Variants in ETV6 observed in about 807,000 individuals in gnomAD.
ETV6 encodes the protein transcription factor ETV6.
Under a neutral mutation model 51.1 loss-of-function variants are expected in ETV6, and 16 were observed. The observed-to-expected ratio is 0.31, with a 90% confidence interval of 0.21 to 0.48. The LOEUF (loss-of-function observed/expected upper bound fraction) is 0.48, where lower values mean the gene tolerates loss of function less well. ETV6 is among the 20% of genes least tolerant of loss of function. ETV6 has a pLI of 0.99. For synonymous variants in ETV6, 240 were observed against 224.1 expected, an observed-to-expected ratio of 1.07 and a Z score of -0.64; for missense variants, 458 against 594.8, an observed-to-expected ratio of 0.77 and a Z score of 2.39.
At chr12:11,864,916 A>G (rs551152399) in intron 4 of ETV6, among the ~76,000 whole-genome samples, 1 of 152,298 alleles carries the variant, frequency 6.6e-6, no homozygotes, top group East Asian at 1.9e-4. Flanking sequence ...ACCATCCCAG[A>G]TTATTTTACA....
At chr12:11,833,295 T>A (rs1159043277) in intron 2 of ETV6, among the ~76,000 whole-genome samples, 2 of 152,196 alleles carry the variant, frequency 1.3e-5, no homozygotes, top group Non-Finnish European at 2.9e-5. Context: ...ATTGTATAAG[T>A]ACATTATCTA....
At chr12:11,827,105 CACACACAA>C (rs1246017686) in intron 2 of ETV6, among the ~76,000 whole-genome samples, 2 of 149,626 alleles carry the variant, frequency 1.3e-5, no homozygotes, top group African/African-American at 5.0e-5. Flanking sequence ...CACACACACA[CACACACAA>C]ATGCAACACA....
chr12:11,837,460 A>G (rs1946333038), intron 2 of ETV6, among the ~76,000 whole-genome samples: 1 of 152,166 alleles, frequency 6.6e-6, no homozygotes, highest in East Asian at 1.9e-4. Flanking sequence ...CCTCAAAACT[A>G]CACTTTGCAA....
At chr12:11,758,047 C>T (rs866283250) in intron 2 of ETV6, among the ~76,000 whole-genome samples, 3 of 152,292 alleles carry the variant, frequency 2.0e-5, no homozygotes. Context: ...AATCCAGTAC[C>T]CAATTCCCCA....
intron 2 of ETV6, 61 bp downstream of exon 2, chr12:11,752,640 A>G (rs1866058169): frequency 1.9e-6 from 3 of 1,556,938 alleles, no homozygotes; most frequent in Non-Finnish European, 2.6e-6. Context: ...GGTGGCAGGC[A>G]GTGGGCTCCA....
intron 1 of ETV6, among the ~76,000 whole-genome samples, chr12:11,650,434 CCCGGATTGTCTCCAGAA>C (rs1181113553): frequency 8.5e-6 from 1 of 117,766 alleles, no homozygotes; most frequent in East Asian, 2.8e-4. Flanking sequence ...GTCAGAGCAA[CCCGGATTGTCTCCAGAA>C]CCGTAAAACA....
At chr12:11,871,423 C>T (rs1946880162) in intron 5 of ETV6, among the ~76,000 whole-genome samples, 1 of 152,030 alleles carries the variant, frequency 6.6e-6, no homozygotes, top group Non-Finnish European at 1.5e-5. Context: ...ATCTCCTGAC[C>T]TCGCGATCCG....
chr12:11,886,115 T>A, intron 7 of ETV6, 89 bp downstream of exon 7: 1 of 904,072 alleles, frequency 1.1e-6, no homozygotes, highest in Non-Finnish European at 1.8e-6. Flanking sequence ...TTAAGATCTC[T>A]ACCTGCCTAT....
intron 4 of ETV6, among the ~76,000 whole-genome samples, chr12:11,856,673 C>A (rs1025846448): frequency 6.6e-6 from 1 of 152,138 alleles, no homozygotes; most frequent in Admixed American, 6.5e-5. Context: ...GCTACTTCCT[C>A]TCTCTCTCCC....
intron 2 of ETV6, among the ~76,000 whole-genome samples, chr12:11,813,180 T>A (rs1945940267): frequency 6.6e-6 from 1 of 152,218 alleles, no homozygotes; most frequent in Non-Finnish European, 1.5e-5. Flanking sequence ...GAAATCAGAA[T>A]TTTCCATCCT....
intron 2 of ETV6, among the ~76,000 whole-genome samples, chr12:11,797,361 G>A (rs1407425378): frequency 3.9e-5 from 6 of 152,220 alleles, no homozygotes; most frequent in Non-Finnish European, 7.3e-5. Flanking sequence ...GGCCAGGGCT[G>A]CCAGTCGTTG....
At chr12:11,830,107 G>A (rs1946220282) in intron 2 of ETV6, among the ~76,000 whole-genome samples, 1 of 152,114 alleles carries the variant, frequency 6.6e-6, no homozygotes, top group Admixed American at 6.6e-5. Flanking sequence ...GAGGACACTT[G>A]GTTTTCTTTT....
intron 3 of ETV6, 136 bp downstream of exon 3, chr12:11,839,440 T>C (rs914999871): frequency 2.2e-6 from 2 of 901,296 alleles, no homozygotes; most frequent in Admixed American, 2.6e-5. Flanking sequence ...TGGAAGGAAG[T>C]TGAAGGAAGA....
chr12:11,678,655 A>G (rs1864468086), intron 1 of ETV6, among the ~76,000 whole-genome samples: 3 of 152,194 alleles, frequency 2.0e-5, no homozygotes, highest in Admixed American at 1.3e-4. Flanking sequence ...TTTATTTATT[A>G]TGAGAAATTG....
At chr12:11,735,935 C>T (rs2120997697) in intron 1 of ETV6, among the ~76,000 whole-genome samples, 1 of 152,322 alleles carries the variant, frequency 6.6e-6, no homozygotes, top group South Asian at 2.1e-4. Context: ...TATAACATTG[C>T]TGAATCCCAA....
intron 5 of ETV6, among the ~76,000 whole-genome samples, chr12:11,870,687 A>G (rs1268499413): frequency 6.6e-6 from 1 of 152,178 alleles, no homozygotes; most frequent in Admixed American, 6.5e-5. Context: ...TCTCCATTAG[A>G]TATTTGTTGA....
intron 2 of ETV6, among the ~76,000 whole-genome samples, chr12:11,801,078 T>A (rs750548881): frequency 3.9e-5 from 6 of 152,182 alleles, no homozygotes; most frequent in Non-Finnish European, 8.8e-5. Flanking sequence ...GCTTTATTCA[T>A]CGAAAATTTG....
intron 5 of ETV6, among the ~76,000 whole-genome samples, chr12:11,883,276 C>CTTCTTCTTTTTTTTTTTTTTTTTTTT (rs776231778): frequency 7.6e-5 from 6 of 79,112 alleles, no homozygotes; most frequent in Non-Finnish European, 1.1e-4. Context: ...ATGTCTTCTT[C>CTTCTTCTTTTTTTTTTTTTTTTTTTT]TTTTTTTTTT....
intron 2 of ETV6, among the ~76,000 whole-genome samples, chr12:11,781,133 A>C (rs1365088727): frequency 6.6e-6 from 1 of 152,224 alleles, no homozygotes; most frequent in East Asian, 1.9e-4. Context: ...TACAATGTCC[A>C]ACTCTTAGGA....
Sources: allele counts gnomAD v4.1 joint callset (sites outside exome capture counted in the v4.1 genomes callset), GRCh38; gene constraint gnomAD v4.1.1; transcripts MANE v1.5; gene names NCBI Gene and HGNC (gene_info 2026-07-23, HGNC 2026-07-21).